CHLSN: variants seen among roughly 807,000 people sequenced by gnomAD.
CHLSN encodes the protein protein cholesin.
the CHLSN span, chr7:984,327 T>A: frequency 4.7e-6 from 7 of 1,475,282 alleles, no homozygotes; most frequent in Admixed American, 2.3e-5. Context: ...TCCCCACCCC[T>A]ACCCAGCACA....
the CHLSN span, among the ~76,000 whole-genome samples, chr7:1,118,941 A>G: frequency 6.6e-6 from 1 of 151,960 alleles, no homozygotes; most frequent in Non-Finnish European, 1.5e-5. Context: ...ATGGAATACT[A>G]TGAGACTCTT....
chr7:1,080,480 T>C, the CHLSN span, among the ~76,000 whole-genome samples: 1 of 151,130 alleles, frequency 6.6e-6, no homozygotes, highest in Non-Finnish European at 1.5e-5. Flanking sequence ...GTCCGGGGAG[T>C]CTGATCACGG....
At chr7:1,033,280 G>A in the CHLSN span, among the ~76,000 whole-genome samples, 11 of 152,298 alleles carry the variant, frequency 7.2e-5, no homozygotes, top group Middle Eastern at 0.01. Context: ...CCATTGGGCC[G>A]GGCGCAGTGG....
chr7:1,001,261 G>A, the CHLSN span, among the ~76,000 whole-genome samples: 1 of 152,220 alleles, frequency 6.6e-6, no homozygotes, highest in African/African-American at 2.4e-5. Context: ...TGTAGGCTCA[G>A]CACGGGGGAG....
At chr7:1,028,122 C>A in the CHLSN span, 2 of 504,888 alleles carry the variant, frequency 4.0e-6, no homozygotes, top group Non-Finnish European at 5.1e-6. Flanking sequence ...CAGGGCGGAG[C>A]GGGGCCCGCA....
At chr7:1,016,467 A>C in the CHLSN span, among the ~76,000 whole-genome samples, 1 of 114,504 alleles carries the variant, frequency 8.7e-6, no homozygotes, top group African/African-American at 3.7e-5. Context: ...GCACGCCAGC[A>C]CATAGCAGCA....
At chr7:1,020,126 C>T in the CHLSN span, among the ~76,000 whole-genome samples, 1 of 142,560 alleles carries the variant, frequency 7.0e-6, no homozygotes, top group East Asian at 2.0e-4. Context: ...ACACGGGCAC[C>T]AGGCCCAGCA....
chr7:1,019,193 C>CAAAA, the CHLSN span, among the ~76,000 whole-genome samples: 1 of 35,010 alleles, frequency 2.9e-5, no homozygotes, highest in Non-Finnish European at 4.6e-5. Flanking sequence ...GACTCTGTCT[C>CAAAA]AAAAAAAAAA....
the CHLSN span, among the ~76,000 whole-genome samples, chr7:1,039,640 C>G: frequency 1.5e-5 from 1 of 67,140 alleles, no homozygotes; most frequent in Non-Finnish European, 2.6e-5. Flanking sequence ...TGAGGAGCCC[C>G]TCTGCCCGGC....
the CHLSN span, among the ~76,000 whole-genome samples, chr7:1,012,327 G>A: frequency 6.6e-6 from 1 of 152,252 alleles, no homozygotes. Context: ...GTGAGGACGG[G>A]GCCAAGGCTG....
chr7:1,134,053 C>T, the CHLSN span, among the ~76,000 whole-genome samples: 2 of 152,076 alleles, frequency 1.3e-5, no homozygotes, highest in South Asian at 2.1e-4. Flanking sequence ...GATCCTCCCA[C>T]CTTGGACTGC....
chr7:1,026,493 TC>T, the CHLSN span: 1 of 152,316 alleles, frequency 6.6e-6, no homozygotes, highest in South Asian at 2.1e-4. Context: ...TAACTAGCAG[TC>T]GGAGGCGGCG....
the CHLSN span, among the ~76,000 whole-genome samples, chr7:1,020,985 AGGCAGGTACCTCCAGGCTGGGGACCTTCG>A: frequency 8.4e-4 from 115 of 137,154 alleles, 3 homozygotes; most frequent in African/African-American, 3.7e-3. Flanking sequence ...GGGGACCTTC[AGGCAGGTACCTCCAGGCTGGGGACCTTCG>A]GGCAGGTACC....
chr7:1,019,329 G>A, the CHLSN span, among the ~76,000 whole-genome samples: 1 of 151,970 alleles, frequency 6.6e-6, no homozygotes, highest in African/African-American at 2.4e-5. Context: ...GGTACCTTGA[G>A]CTGACAGGTC....
At chr7:1,059,021 A>C in the CHLSN span, 1 of 182,278 alleles carries the variant, frequency 5.5e-6, no homozygotes, top group African/African-American at 2.4e-5. Context: ...GGTGTGCCGC[A>C]GTCACCACAG....
chr7:1,006,755 TGCAGGGAAAGAGCACACGACGGCCACAGC>T, the CHLSN span, among the ~76,000 whole-genome samples: 1 of 123,544 alleles, frequency 8.1e-6, no homozygotes, highest in African/African-American at 3.2e-5. Context: ...ATGGCCACAT[TGCAGGGAAAGAGCACACGACGGCCACAGC>T]GCAGGGAAAG....
the CHLSN span, among the ~76,000 whole-genome samples, chr7:982,176 G>A: frequency 1.3e-5 from 2 of 152,228 alleles, no homozygotes; most frequent in Non-Finnish European, 2.9e-5. Flanking sequence ...CCCTGGCCCT[G>A]AGGCTGTACA....
At chr7:1,038,793 G>A in the CHLSN span, among the ~76,000 whole-genome samples, 3 of 52,614 alleles carry the variant, frequency 5.7e-5, no homozygotes, top group Non-Finnish European at 1.2e-4. Context: ...GAAGTGAGGA[G>A]CCCCTCTGCC....
the CHLSN span, among the ~76,000 whole-genome samples, chr7:1,031,883 G>T: frequency 6.6e-6 from 1 of 152,038 alleles, no homozygotes; most frequent in Non-Finnish European, 1.5e-5. Context: ...AGGTGCGGGG[G>T]GCGGCCAGCA....
Sources: gnomAD v4.1 joint callset for allele counts (sites outside exome capture counted in the v4.1 genomes callset) on GRCh38, gnomAD v4.1.1 for gene constraint, MANE v1.5 for transcripts, NCBI Gene and HGNC (gene_info 2026-07-23, HGNC 2026-07-21) for gene names.